The following PLEKHH2 variants were observed in gnomAD, a reference collection of about 807,000 sequenced individuals.
PLEKHH2 encodes the protein pleckstrin homology domain-containing family H member 2.
PLEKHH2 carries 129 observed loss-of-function variants against 187.9 expected under a neutral mutation model. The observed-to-expected ratio is 0.69, with a 90% CI of 0.59 to 0.79. The LOEUF (loss-of-function observed/expected upper bound fraction) is 0.79. PLEKHH2 is among the 30% of genes least tolerant of loss of function. The pLI is 0.00. For synonymous variants in PLEKHH2, 686 were observed against 605.6 expected (o/e 1.13, Z -1.95); for missense variants, 2,076 against 1,751.2 (o/e 1.19, Z -3.31).
chr2:43,675,302 A>T, intron 2 of PLEKHH2: 1 of 986,566 alleles, frequency 1.0e-6, no homozygotes, highest in South Asian at 1.9e-5. Flanking sequence ...TTTTACACTT[A>T]CACTGTATCA....
intron 3 of PLEKHH2, among the ~76,000 whole-genome samples, chr2:43,690,189 T>A (rs2104458430): frequency 6.6e-6 from 1 of 152,364 alleles, no homozygotes; most frequent in Admixed American, 6.5e-5. Context: ...TCTGTCCTGC[T>A]TGGGCAGTTT....
intron 2 of PLEKHH2, chr2:43,676,336 G>C (rs770081547): frequency 2.5e-6 from 4 of 1,581,624 alleles, no homozygotes; most frequent in South Asian, 2.4e-5. Flanking sequence ...CCAGGCGTTA[G>C]GACAGTGTGC....
intron 7 of PLEKHH2, among the ~76,000 whole-genome samples, chr2:43,699,243 A>G (rs1053147677): frequency 1.3e-5 from 2 of 152,098 alleles, no homozygotes; most frequent in African/African-American, 4.8e-5. Context: ...TGTAAAAACC[A>G]ATTTGGAAAC....
At chr2:43,709,000 T>A (rs1669810474) in intron 11 of PLEKHH2, among the ~76,000 whole-genome samples, 1 of 152,248 alleles carries the variant, frequency 6.6e-6, no homozygotes, top group South Asian at 2.1e-4. Flanking sequence ...GCTGGATACT[T>A]TTATAAATAA....
In PLEKHH2 at chr2:43,741,011, C is replaced by G. The variant is rs563140716; in HGVS notation, c.3189C>G (p.Leu1063=). The G allele has an allele frequency of 6.2e-7, 1 of 1,613,910 alleles. No homozygotes were observed. The highest frequency in any genetic ancestry group is 1.7e-5 in the Admixed American group (1 of 60,004). Residue 1063 remains leucine (L), a synonymous_variant, in exon 21 of 30, where the codon CTC becomes CTG. Transcript: ENST00000282406. ...CCCATCATCCTTTCCTGTGGCTCCT[C>G]AGGCTTCACCTAAAGAGGAATGCAG... ...FLPHHPFLWL[L]RLHLKRNADS...
chr2:43,691,755 T>A (rs1668807545), intron 3 of PLEKHH2, among the ~76,000 whole-genome samples: 1 of 152,216 alleles, frequency 6.6e-6, no homozygotes, highest in African/African-American at 2.4e-5. Flanking sequence ...ACTCCTGGAC[T>A]CAAGCTATCT....
At chr2:43,694,395 A>G (rs779206183) in intron 4 of PLEKHH2, 36 bp from the exon 5 acceptor site, 3 of 1,528,490 alleles carry the variant, frequency 2.0e-6, no homozygotes, top group Admixed American at 2.0e-5. Flanking sequence ...CATTGAGTTT[A>G]TGTTTGAACT....
chr2:43,678,402 C>A (rs1457893461), intron 2 of PLEKHH2, among the ~76,000 whole-genome samples: 1 of 152,142 alleles, frequency 6.6e-6, no homozygotes, highest in Non-Finnish European at 1.5e-5. Context: ...CACGCCACTG[C>A]ACTCCAGCCT....
At chr2:43,745,298 A>G (rs1671732615) in intron 23 of PLEKHH2, among the ~76,000 whole-genome samples, 1 of 152,154 alleles carries the variant, frequency 6.6e-6, no homozygotes, top group Admixed American at 6.5e-5. Context: ...CCTGGGTGAC[A>G]GAGTGAGACC....
intron 23 of PLEKHH2, among the ~76,000 whole-genome samples, chr2:43,744,723 C>T (rs1332982651): frequency 6.6e-6 from 1 of 151,622 alleles, no homozygotes; most frequent in East Asian, 1.9e-4. Context: ...CAAAAATTAG[C>T]CAGGCATGGT....
At position 43,692,606 on chromosome 2, in the gene PLEKHH2, G is replaced by A. The variant is rs752294307; in HGVS notation, c.279G>A (p.Ser93=). 45 of 1,612,554 alleles carry A rather than the reference G, an allele frequency of 2.8e-5. No homozygotes were observed. The highest frequency in any genetic ancestry group is 1.3e-4 in the Admixed American group (8 of 59,866). ...RLYNKCQDLE[S]LIQEKDDVIQ... is the part of the protein sequence containing the mutation. ...ATAATAAGTGTCAAGATCTGGAGTC[G>A]CTAATACAGGAAAAAGATGACGTCA... The change falls in exon 4 of 30, where the codon TCG becomes TCA. Residue 93 remains serine, a synonymous_variant. Transcript: ENST00000282406.
chr2:43,740,053 C>G (rs1010917358), intron 20 of PLEKHH2, among the ~76,000 whole-genome samples: 2 of 152,150 alleles, frequency 1.3e-5, no homozygotes, highest in Non-Finnish European at 2.9e-5. Context: ...CTATTTCTCC[C>G]TCTTTTTTAA....
At chr2:43,707,929 G>A (rs777511003) in intron 11 of PLEKHH2, among the ~76,000 whole-genome samples, 10 of 152,242 alleles carry the variant, frequency 6.6e-5, no homozygotes, top group Middle Eastern at 3.4e-3. Context: ...TTAATCTGAT[G>A]TTAAAGTGGA....
intron 3 of PLEKHH2, among the ~76,000 whole-genome samples, chr2:43,688,678 C>T (rs1462300155): frequency 2.0e-5 from 3 of 152,146 alleles, no homozygotes; most frequent in African/African-American, 7.2e-5. Flanking sequence ...CTGTTTTGCT[C>T]ATGGTCACCG....
intron 24 of PLEKHH2, among the ~76,000 whole-genome samples, chr2:43,746,981 A>AGAG (rs1474986953): frequency 6.6e-6 from 1 of 152,016 alleles, no homozygotes; most frequent in Admixed American, 6.5e-5. Context: ...AAAAAAAAAA[A>AGAG]GAGGAGATAC....
chr2:43,721,859 G>T (rs557416787), intron 16 of PLEKHH2, among the ~76,000 whole-genome samples: 79 of 152,050 alleles, frequency 5.2e-4, no homozygotes, highest in African/African-American at 1.9e-3. Flanking sequence ...TGCATTCCAG[G>T]CTGGGTGACA....
At chr2:43,758,852 A>T (rs997064109) in intron 26 of PLEKHH2, 48 bp from the exon 27 acceptor site, 20 of 1,472,988 alleles carry the variant, frequency 1.4e-5, no homozygotes, top group Non-Finnish European at 1.7e-5. Flanking sequence ...CACACTGTTT[A>T]TGTTTTTGCT....
rs185857938 is a variant in PLEKHH2, at chr2:43,759,945, A to T, written c.4071+916A>T. On this transcript the variant is annotated intron_variant, in intron 27 of 29. Transcript: ENST00000282406. The stretch of plus-strand genomic sequence containing the variant: ...TCTAACTCTGATTCTATGAGTGACT[A>T]TATTATTGATAGGTGAGAATTAATT... Among the ~76,000 whole-genome samples the T allele has an allele frequency of 2.3e-3, 343 of 152,350 alleles. 2 individuals carry two copies. The highest frequency in any genetic ancestry group is 8.0e-3 in the African/African-American group (332 of 41,576).
chr2:43,764,902 AT>A (rs1293518901), intron 29 of PLEKHH2, among the ~76,000 whole-genome samples: 1 of 152,236 alleles, frequency 6.6e-6, no homozygotes, highest in Non-Finnish European at 1.5e-5. Context: ...ATTGAAAGTG[AT>A]TTTCCTACAA....
Sources: gnomAD v4.1 joint callset for allele counts (sites outside exome capture counted in the v4.1 genomes callset) on GRCh38, gnomAD v4.1.1 for gene constraint, MANE v1.5 for transcripts, NCBI Gene and HGNC (gene_info 2026-07-23, HGNC 2026-07-21) for gene names.